Variants in SMOX observed in about 807,000 individuals in gnomAD.
The protein encoded by SMOX is flavin containing amine oxidase.
In SMOX, 22 loss-of-function variants were observed where a neutral mutation model predicts 51.0. The observed-to-expected ratio is 0.43, with a 90% CI of 0.31 to 0.62. The LOEUF (loss-of-function observed/expected upper bound fraction) is 0.62. Ranked by LOEUF, SMOX falls within the 20% of genes least tolerant of loss-of-function variation. The pLI is 0.10. For missense variants in SMOX, 566 were observed against 777.7 expected (o/e 0.73, Z 3.24); for synonymous variants, 282 against 307.8 (o/e 0.92, Z 0.88).
At chr20:4,162,471 C>G (rs768559926) in intron 1 of SMOX, among the ~76,000 whole-genome samples, 1 of 152,234 alleles carries the variant, frequency 6.6e-6, no homozygotes, top group African/African-American at 2.4e-5. Context: ...GCTCACTTCT[C>G]TCTCCTGGGA....
intron 3 of SMOX, among the ~76,000 whole-genome samples, chr20:4,180,576 G>T (rs1404563573): frequency 6.6e-6 from 1 of 152,168 alleles, no homozygotes; most frequent in Non-Finnish European, 1.5e-5. Context: ...CGATGCCAGG[G>T]CCTTGGATCA....
chr20:4,166,449 G>C lies in SMOX; in HGVS notation c.-26-8581G>C, dbSNP rs952309961. ...TGTAGCCTCGACTTCCTAGACTGAAGCAATCCTCCTGCCTTGGCCTCCCAA... is the reference window on the plus strand; with the variant it reads ...TGTAGCCTCGACTTCCTAGACTGAACCAATCCTCCTGCCTTGGCCTCCCAA... On this transcript the variant is annotated intron_variant, in intron 1 of 6. Coordinates refer to ENST00000305958, the MANE Select transcript of SMOX (RefSeq NM_175839.3). The surrounding 1 kb of genome is among the most constrained non-coding windows in gnomAD (Gnocchi z 4.2). 6.6e-5 allele frequency among the ~76,000 whole-genome samples: 10 copies of C among 152,110 alleles called. No homozygotes were observed. The highest frequency in any genetic ancestry group is 2.4e-4 in the African/African-American group (10 of 41,414).
rs183166691 is a variant in SMOX at position 4,178,746 on chromosome 20, C to T, written c.435+1169C>T. Among the ~76,000 whole-genome samples the T allele has an allele frequency of 3.1e-3, 472 of 151,040 alleles. 3 individuals are homozygous for T. Among genetic ancestry groups the T allele is most frequent in the African/African-American group, 0.011 (441 of 41,028 alleles). On this transcript the variant is annotated intron_variant, in intron 3 of 6. Transcript: ENST00000305958. ...TTGTCCAGGCTAGAGTACGATGGCA[C>T]GATCTCAGCTCACCGCAACCTCCGC...
At chr20:4,160,735 A>G (rs892436142) in intron 1 of SMOX, among the ~76,000 whole-genome samples, 2 of 152,202 alleles carry the variant, frequency 1.3e-5, no homozygotes, top group African/African-American at 4.8e-5. Flanking sequence ...TAAGAGAGGT[A>G]TTTGTGCTGG....
Position 4,176,630 on chromosome 20 carries a change from C to T in SMOX, c.209-721C>T, listed in dbSNP as rs1176374695. Among the ~76,000 whole-genome samples, 7 of 152,136 alleles carry T rather than the reference C, an allele frequency of 4.6e-5. No homozygotes were observed. In the South Asian group the frequency reaches 8.3e-4, roughly 18 times the overall value. On this transcript the variant is annotated intron_variant, in intron 2 of 6. Transcript: ENST00000305958. ...GAGAAGGAGACAGTTTCTGCAGCATCAGAAGAAGAAACTGAGGCCCAGGCA... is the reference window on the plus strand; with the variant it reads ...GAGAAGGAGACAGTTTCTGCAGCATTAGAAGAAGAAACTGAGGCCCAGGCA...
Position 4,183,000 on chromosome 20 carries a change from C to A in SMOX, c.1369+152C>A. On this transcript the variant is annotated intron_variant, in intron 5 of 6. Coordinates refer to ENST00000305958, the MANE Select transcript of SMOX (RefSeq NM_175839.3). The surrounding 1 kb of genome is among the most constrained non-coding windows in gnomAD (Gnocchi z 8.4). ...AGCCACTGCAGGGTGCCACATTCAG[C>A]CAAAGGCTCTTCAGTTGCTGACAGT... 8.9e-7 allele frequency: 1 copy of A among 1,123,498 alleles called. No individual in the cohort carries two copies. The highest frequency in any genetic ancestry group is 1.2e-6 in the Non-Finnish European group (1 of 813,914). 69.6% of individuals were successfully genotyped at this position (1,123,498 alleles called of 1,614,324 possible).
At chr20:4,174,151 C>T (rs527594291) in intron 1 of SMOX, among the ~76,000 whole-genome samples, 2 of 152,200 alleles carry the variant, frequency 1.3e-5, no homozygotes, top group African/African-American at 2.4e-5. Flanking sequence ...TGGGGGAGGG[C>T]GGGACTATGT....
Position 4,183,448 on chromosome 20 carries a change from C to A in SMOX, c.1370-46C>A, listed in dbSNP as rs1429914846. On this transcript the variant is annotated intron_variant, in intron 5 of 6. Coordinates refer to ENST00000305958, the MANE Select transcript of SMOX (RefSeq NM_175839.3). The surrounding 1 kb of genome is among the most constrained non-coding windows in gnomAD (Gnocchi z 4.3). ...CTTTGGGGTCATCTTCCATATGCAGCCATTTCTTATCCTCCCTCCTCTTGG... is the reference window on the plus strand; with the variant it reads ...CTTTGGGGTCATCTTCCATATGCAGACATTTCTTATCCTCCCTCCTCTTGG... 1 of 1,613,628 alleles carries A rather than the reference C, an allele frequency of 6.2e-7. No individual in the cohort carries two copies. The highest frequency in any genetic ancestry group is 2.2e-5 in the East Asian group (1 of 44,868).
intron 3 of SMOX, among the ~76,000 whole-genome samples, chr20:4,180,719 G>C (rs560558193): frequency 1.8e-4 from 28 of 152,228 alleles, no homozygotes; most frequent in Admixed American, 1.4e-3. Flanking sequence ...ATTCCTGACT[G>C]CTTCTCCATC....
Position 4,149,284 on chromosome 20 carries a change from T to A in SMOX, c.-27+307T>A, listed in dbSNP as rs1445368979. On this transcript the variant is annotated intron_variant, in intron 1 of 6. Transcript: ENST00000305958. This position sits in a 1 kb window ranked among gnomAD's most constrained non-coding sequence, Gnocchi z 6.0. ...CTCGGCCCGGGCCGGGCGCCGGGGG[T>A]AGAGGGCCGGACGGACCCCCGGGCT... Among the ~76,000 whole-genome samples, 2 of 148,678 alleles carry A rather than the reference T, an allele frequency of 1.3e-5. No individual in the cohort carries two copies. The highest frequency in any genetic ancestry group is 1.3e-4 in the Admixed American group (2 of 15,040).
At chr20:4,171,253 C>T (rs960077610) in intron 1 of SMOX, among the ~76,000 whole-genome samples, 2 of 152,186 alleles carry the variant, frequency 1.3e-5, no homozygotes, top group African/African-American at 4.8e-5. Flanking sequence ...TCTCCTTCCT[C>T]AGTAAGGCAG....
chr20:4,182,014 C>A lies in SMOX; in HGVS notation c.609+38C>A. On this transcript the variant is annotated intron_variant, in intron 4 of 6. Transcript: ENST00000305958. The surrounding 1 kb of genome is among the most constrained non-coding windows in gnomAD (Gnocchi z 8.4). ...AGACGGATTCTGGGGGCGTCTGGGT[C>A]TGAGGAGGGCTACGCTGCTCCTACC... 6.2e-7 allele frequency: 1 copy of A among 1,608,306 alleles called. No homozygotes were observed. The highest frequency in any genetic ancestry group is 1.1e-5 in the South Asian group (1 of 89,992).
intron 6 of SMOX, among the ~76,000 whole-genome samples, chr20:4,186,080 TGGCTTGA>T (rs1358564330): frequency 2.6e-5 from 4 of 152,024 alleles, no homozygotes; most frequent in Admixed American, 6.6e-5. Flanking sequence ...AGTGGGAGGA[TGGCTTGA>T]GCTCAGGAGT....
chr20:4,177,656 C>T lies in SMOX; in HGVS notation c.435+79C>T. 3 of 1,334,542 alleles carry T rather than the reference C, an allele frequency of 2.2e-6. No homozygotes were observed. The highest frequency in any genetic ancestry group is 3.1e-6 in the Non-Finnish European group (3 of 962,608). The allele number at this position is 1,334,542 out of a possible 1,614,324, so 82.7% of individuals were successfully genotyped here. Reference sequence around the variant, plus strand: ...CTGTGATTCTGGTCGTGTCTCTGCACACTCCCTGGGCCTTGCATTTGGAAA... The same window carrying T: ...CTGTGATTCTGGTCGTGTCTCTGCATACTCCCTGGGCCTTGCATTTGGAAA... On this transcript the variant is annotated intron_variant, in intron 3 of 6. Coordinates refer to ENST00000305958, the MANE Select transcript of SMOX (RefSeq NM_175839.3). This position sits in a 1 kb window ranked among gnomAD's most constrained non-coding sequence, Gnocchi z 4.3.
At position 4,167,672 on chromosome 20, in the gene SMOX, A is replaced by G. The variant is rs1022730343; in HGVS notation, c.-26-7358A>G. Among the ~76,000 whole-genome samples, 1 of 152,078 alleles carries G rather than the reference A, an allele frequency of 6.6e-6. No homozygotes were observed. The highest frequency in any genetic ancestry group is 2.4e-5 in the African/African-American group (1 of 41,402). ...GAGATTGAGCTGGGGCCTGATTCCCAGGTCTGGGCCAGTGTTCTCTCCCTC... is the reference window on the plus strand; with the variant it reads ...GAGATTGAGCTGGGGCCTGATTCCCGGGTCTGGGCCAGTGTTCTCTCCCTC... On this transcript the variant is annotated intron_variant, in intron 1 of 6. Coordinates refer to ENST00000305958, the MANE Select transcript of SMOX (RefSeq NM_175839.3). The surrounding 1 kb of genome is among the most constrained non-coding windows in gnomAD (Gnocchi z 4.8).
chr20:4,159,039 A>G (rs1600799596), intron 1 of SMOX, among the ~76,000 whole-genome samples: 1 of 152,094 alleles, frequency 6.6e-6, no homozygotes, highest in Non-Finnish European at 1.5e-5. Flanking sequence ...ATCATACACA[A>G]TGCAAAACCT....
Position 4,187,008 on chromosome 20 carries a change from CAAGT to C in SMOX, c.1531-258_1531-255del, listed in dbSNP as rs958657487. Among the ~76,000 whole-genome samples the C allele has an allele frequency of 6.6e-6, 1 of 152,158 alleles. No homozygotes were observed. Among genetic ancestry groups the C allele is most frequent in the Non-Finnish European group, 1.5e-5 (1 of 68,040 alleles). On this transcript the variant is annotated intron_variant, in intron 6 of 6. Coordinates refer to ENST00000305958, the MANE Select transcript of SMOX (RefSeq NM_175839.3). The surrounding 1 kb of genome is among the most constrained non-coding windows in gnomAD (Gnocchi z 4.8). ...GGTTAAACCACCTGCCTCAAGTTGA[CAAGT>C]AAGAGGCACAAAGAGCCTTTGAGAC...
At position 4,177,209 on chromosome 20, in the gene SMOX, G is replaced by A; in HGVS notation, c.209-142G>A. 1.4e-6 allele frequency: 1 copy of A among 714,232 alleles called. No individual in the cohort carries two copies. The highest frequency in any genetic ancestry group is 2.9e-5 in the Admixed American group (1 of 34,250). 44.2% of individuals were successfully genotyped at this position (714,232 alleles called of 1,614,324 possible). ...GAACTTTTCACTGAGGACCTTCGTT[G>A]GTTGCCAGCAGTGGAAGTTCAAGCT... On this transcript the variant is annotated intron_variant, in intron 2 of 6. Coordinates refer to ENST00000305958, the MANE Select transcript of SMOX (RefSeq NM_175839.3). The surrounding 1 kb of genome is among the most constrained non-coding windows in gnomAD (Gnocchi z 4.3).
chr20:4,154,085 G>A (rs1281391590), intron 1 of SMOX, among the ~76,000 whole-genome samples: 1 of 152,182 alleles, frequency 6.6e-6, no homozygotes, highest in Non-Finnish European at 1.5e-5. Flanking sequence ...GGCTTTGGCC[G>A]ACAGAGGAGA....
Sources: allele counts gnomAD v4.1 joint callset (sites outside exome capture counted in the v4.1 genomes callset), GRCh38; gene constraint gnomAD v4.1.1; non-coding constraint Gnocchi (gnomAD v3.1); transcripts MANE v1.5; gene names NCBI Gene and HGNC (gene_info 2026-07-23, HGNC 2026-07-21).